Variants in TMEM41B observed in about 807,000 individuals in gnomAD.
TMEM41B encodes the protein protein stasimon.
TMEM41B carries 18 observed loss-of-function variants against 31.9 expected under a neutral mutation model. The ratio of observed to expected loss-of-function variants is 0.56; its 90% CI spans 0.39 to 0.84. The LOEUF (loss-of-function observed/expected upper bound fraction) is 0.84. Among genes scored for constraint, TMEM41B ranks in the 40% least tolerant of loss-of-function variants. The pLI is 0.00. For missense variants in TMEM41B, 322 were observed against 348.0 expected (o/e 0.93, Z 0.59); for synonymous variants, 144 against 124.3 (o/e 1.16, Z -1.05).
chr11:9,300,421 T>C (rs569520209), intron 1 of TMEM41B, among the ~76,000 whole-genome samples: 4 of 152,286 alleles, frequency 2.6e-5, no homozygotes, highest in South Asian at 2.1e-4. Context: ...TTTAAGAACA[T>C]AAATATTCAC....
In TMEM41B at chr11:9,295,216, T is replaced by C. The variant is rs1245392972; in HGVS notation, c.368+43A>G. On this transcript the variant is annotated intron_variant, in intron 3 of 6. Coordinates refer to ENST00000528080, the MANE Select transcript of TMEM41B (RefSeq NM_015012.4). The stretch of plus-strand genomic sequence containing the variant: ...TGAAGAGCAGACCTTTTACACTTTT[T>C]CTTGAACAAAATTAGAAAACATTTT... 6.2e-6 allele frequency: 9 copies of C among 1,457,288 alleles called. No individual in the cohort carries two copies. In the East Asian group the frequency reaches 1.7e-4, roughly 27 times the overall value. 90.3% of individuals were successfully genotyped at this position (1,457,288 alleles called of 1,614,324 possible).
At chr11:9,291,358 G>C (rs1333384109) in intron 3 of TMEM41B, among the ~76,000 whole-genome samples, 1 of 151,730 alleles carries the variant, frequency 6.6e-6, no homozygotes, top group Non-Finnish European at 1.5e-5. Flanking sequence ...CTCCAGCCTG[G>C]GAAACAGAGT....
intron 1 of TMEM41B, among the ~76,000 whole-genome samples, chr11:9,310,847 A>G (rs1399168193): frequency 1.3e-5 from 2 of 152,122 alleles, no homozygotes; most frequent in African/African-American, 2.4e-5. Context: ...CAACCAACAA[A>G]AGGCCTGCTG....
chr11:9,288,691 T>A (rs567879337), intron 3 of TMEM41B, 156 bp from the exon 4 acceptor site: 3 of 531,342 alleles, frequency 5.6e-6, no homozygotes, highest in Admixed American at 7.5e-5. Flanking sequence ...CTAAACAGTA[T>A]CATAAATACT....
At chr11:9,291,339 G>A (rs1037804958) in intron 3 of TMEM41B, among the ~76,000 whole-genome samples, 6 of 151,860 alleles carry the variant, frequency 4.0e-5, no homozygotes, top group Admixed American at 1.3e-4. Context: ...CCGAGATCGC[G>A]TCGCTACACT....
chr11:9,311,903 C>G (rs1375765247), intron 1 of TMEM41B, among the ~76,000 whole-genome samples: 1 of 152,172 alleles, frequency 6.6e-6, no homozygotes, highest in Non-Finnish European at 1.5e-5. Flanking sequence ...GGCAAGGAAT[C>G]CACTAAATGT....
At chr11:9,300,893 A>G (rs190524322) in intron 1 of TMEM41B, among the ~76,000 whole-genome samples, 1 of 152,032 alleles carries the variant, frequency 6.6e-6, no homozygotes, top group African/African-American at 2.4e-5. Flanking sequence ...AAAAAAAATT[A>G]TATTAACAAT....
chr11:9,307,095 C>T (rs1853415913), intron 1 of TMEM41B, among the ~76,000 whole-genome samples: 1 of 152,126 alleles, frequency 6.6e-6, no homozygotes, highest in Non-Finnish European at 1.5e-5. Flanking sequence ...AATAATTTAA[C>T]CTTAATGTCC....
In TMEM41B at chr11:9,288,379, T is replaced by C. The variant is rs1430273481; in HGVS notation, c.462+63A>G. The stretch of plus-strand genomic sequence containing the variant: ...TACATAGACTAGTAGGGTTAAAGTA[T>C]CATCATCATCCTCATCATTCTATTG... On this transcript the variant is annotated intron_variant, in intron 4 of 6. Coordinates refer to ENST00000528080, the MANE Select transcript of TMEM41B (RefSeq NM_015012.4). 4 of 1,164,834 alleles carry C rather than the reference T, an allele frequency of 3.4e-6. No individual in the cohort carries two copies. The African/African-American group carries it at 4.7e-5, about 14-fold the overall frequency. The allele number at this position is 1,164,834 out of a possible 1,614,324, so 72.2% of individuals were successfully genotyped here.
At chr11:9,303,999 A>G (rs1853320458) in intron 1 of TMEM41B, among the ~76,000 whole-genome samples, 1 of 152,172 alleles carries the variant, frequency 6.6e-6, no homozygotes, top group Non-Finnish European at 1.5e-5. Flanking sequence ...TAACTTTGTT[A>G]TATTTCATCT....
chr11:9,308,882 A>G (rs1013536059), intron 1 of TMEM41B, among the ~76,000 whole-genome samples: 7 of 152,246 alleles, frequency 4.6e-5, no homozygotes, highest in African/African-American at 1.7e-4. Flanking sequence ...GGAAGCATTT[A>G]GCTTACCTGA....
intron 3 of TMEM41B, among the ~76,000 whole-genome samples, chr11:9,289,883 ATTCTGTTGGC>A (rs1852915317): frequency 6.6e-6 from 1 of 152,080 alleles, no homozygotes; most frequent in African/African-American, 2.4e-5. Context: ...TTTCTCTAAC[ATTCTGTTGGC>A]CACACAATCC....
intron 4 of TMEM41B, 190 bp from the exon 5 acceptor site, chr11:9,287,996 A>G: frequency 1.8e-6 from 1 of 570,210 alleles, no homozygotes; most frequent in South Asian, 2.2e-5. Flanking sequence ...GAGATCAGCT[A>G]AAACAAACTG....
chr11:9,304,497 G>A (rs1401268363), intron 1 of TMEM41B, among the ~76,000 whole-genome samples: 1 of 151,990 alleles, frequency 6.6e-6, no homozygotes, highest in East Asian at 1.9e-4. Flanking sequence ...TTATGAGACG[G>A]TGTCTCACTC....
chr11:9,299,700 T>C lies in TMEM41B; in HGVS notation c.123A>G (p.Glu41=), dbSNP rs1853199308. 6.3e-7 allele frequency: 1 copy of C among 1,594,378 alleles called. No individual in the cohort carries two copies. The highest frequency in any genetic ancestry group is 8.5e-7 in the Non-Finnish European group (1 of 1,170,592). Reference sequence around the variant, plus strand: ...CTGATCCAGCTTCTACCCAGGATTTTTCTGGAAGAAAAAAGAAAGTATAAT... The same window carrying C: ...CTGATCCAGCTTCTACCCAGGATTTCTCTGGAAGAAAAAAGAAAGTATAAT... ...AAPGSRDHQK[E]KSWVEAGSAR... Residue 41 remains glutamate (E), a splice_region_variant and synonymous_variant, in exon 2 of 7, where the codon GAA becomes GAG. Coordinates refer to ENST00000528080, the MANE Select transcript of TMEM41B (RefSeq NM_015012.4).
At chr11:9,305,497 G>A (rs1300921614) in intron 1 of TMEM41B, among the ~76,000 whole-genome samples, 2 of 152,164 alleles carry the variant, frequency 1.3e-5, no homozygotes, top group African/African-American at 4.8e-5. Flanking sequence ...CCACTGGGGA[G>A]GCTAAGGCAC....
At chr11:9,297,634 T>G (rs2133627908) in intron 2 of TMEM41B, among the ~76,000 whole-genome samples, 1 of 152,114 alleles carries the variant, frequency 6.6e-6, no homozygotes, top group South Asian at 2.1e-4. Flanking sequence ...GGGGCTGCAG[T>G]AAGCCAAGAT....
chr11:9,284,106 C>G (rs574401330), intron 6 of TMEM41B, among the ~76,000 whole-genome samples: 1 of 150,866 alleles, frequency 6.6e-6, no homozygotes, highest in Non-Finnish European at 1.5e-5. Flanking sequence ...TTTAAAAACG[C>G]AAGAAAAGGG....
chr11:9,299,047 G>A (rs976041471), intron 2 of TMEM41B, among the ~76,000 whole-genome samples: 2 of 151,652 alleles, frequency 1.3e-5, no homozygotes, highest in South Asian at 2.1e-4. Context: ...TTGGGAGGCC[G>A]AGGCAGGTGG....
Sources: gnomAD v4.1 joint callset for allele counts (sites outside exome capture counted in the v4.1 genomes callset) on GRCh38, gnomAD v4.1.1 for gene constraint, MANE v1.5 for transcripts, NCBI Gene and HGNC (gene_info 2026-07-23, HGNC 2026-07-21) for gene names.